RYR2: variants seen among roughly 807,000 people sequenced by gnomAD.
RYR2 encodes ryanodine receptor 2, also known as cardiac muscle ryanodine receptor-calcium release channel.
A neutral mutation model predicts 601.1 loss-of-function variants in RYR2; 227 were observed. That is an observed-to-expected ratio of 0.38 (90% confidence interval 0.34 to 0.42). The LOEUF (loss-of-function observed/expected upper bound fraction) is 0.42, where lower values mean the gene tolerates loss of function less well. Ranked by LOEUF, RYR2 falls within the 10% of genes least tolerant of loss-of-function variation. The pLI, the probability that RYR2 is intolerant of heterozygous loss-of-function variation, is 1.00. For missense variants in RYR2, 4,646 were observed against 6,156.5 expected (o/e 0.75, Z 8.21); for synonymous variants, 2,223 against 2,175.1 (o/e 1.02, Z -0.61).
chr1:237,074,690 T>C (rs1460434835), intron 1 of RYR2, among the ~76,000 whole-genome samples: 1 of 152,234 alleles, frequency 6.6e-6, no homozygotes, highest in Non-Finnish European at 1.5e-5. Context: ...AAACCCAAGA[T>C]GGCCCTTTGG....
In RYR2 at chr1:237,346,186, C is replaced by A. The variant is rs551961891; in HGVS notation, c.274-9779C>A. 5.9e-5 allele frequency among the ~76,000 whole-genome samples: 9 copies of A among 151,688 alleles called. No homozygotes were observed. In the East Asian group the frequency reaches 1.4e-3, roughly 23 times the overall value. On this transcript the variant is annotated intron_variant, in intron 3 of 104. Transcript: ENST00000366574. ...TTCGAGACCAGCCTGGGCAACATGGCGAGACTCTGTCTCTACAAAAAAATA... is the reference window on the plus strand; with the variant it reads ...TTCGAGACCAGCCTGGGCAACATGGAGAGACTCTGTCTCTACAAAAAAATA...
chr1:237,519,565 C>CTT (rs1432393303), intron 24 of RYR2, among the ~76,000 whole-genome samples: 1 of 151,922 alleles, frequency 6.6e-6, no homozygotes, highest in Non-Finnish European at 1.5e-5. Flanking sequence ...CTCTTGTTGG[C>CTT]TTTGTGAAAG....
At position 237,196,816 on chromosome 1, in the gene RYR2, A is replaced by G. The variant is rs144670275; in HGVS notation, c.49-73681A>G. ...AAAGTCTGTAAGATACACAGTCAGT[A>G]TTTTAATTGGAATGGCATTGAATTT... On this transcript the variant is annotated intron_variant, in intron 1 of 104. Coordinates refer to ENST00000366574, the MANE Select transcript of RYR2 (RefSeq NM_001035.3). 5.3e-5 allele frequency among the ~76,000 whole-genome samples: 8 copies of G among 152,318 alleles called. No individual in the cohort carries two copies. In the East Asian group the frequency reaches 1.5e-3, roughly 29 times the overall value.
chr1:237,322,566 C>G (rs1005320772), intron 2 of RYR2, among the ~76,000 whole-genome samples: 1 of 152,106 alleles, frequency 6.6e-6, no homozygotes, highest in African/African-American at 2.4e-5. Context: ...CAAAATATCC[C>G]TGTCACAGAA....
intron 16 of RYR2, among the ~76,000 whole-genome samples, chr1:237,463,735 A>G (rs1659738642): frequency 6.6e-6 from 1 of 152,160 alleles, no homozygotes; most frequent in African/African-American, 2.4e-5. Flanking sequence ...AGAGTATTGT[A>G]AAGTTTTAGG....
intron 3 of RYR2, among the ~76,000 whole-genome samples, chr1:237,341,436 G>A (rs994830464): frequency 3.9e-5 from 6 of 152,024 alleles, no homozygotes; most frequent in African/African-American, 1.4e-4. Context: ...AAACACAAAA[G>A]CAAAAACAAC....
At chr1:237,170,569 TTCACTC>T (rs1677246952) in intron 1 of RYR2, among the ~76,000 whole-genome samples, 1 of 152,242 alleles carries the variant, frequency 6.6e-6, no homozygotes, top group South Asian at 2.1e-4. Flanking sequence ...TGTATTTCAT[TTCACTC>T]TCATCACAAG....
At chr1:237,315,869 A>T (rs1246778315) in intron 2 of RYR2, among the ~76,000 whole-genome samples, 1 of 152,230 alleles carries the variant, frequency 6.6e-6, no homozygotes, top group African/African-American at 2.4e-5. Context: ...TCCAAACTTT[A>T]TACCAAAAAT....
intron 17 of RYR2, among the ~76,000 whole-genome samples, chr1:237,474,955 G>C (rs764284478): frequency 1.3e-5 from 2 of 152,120 alleles, no homozygotes; most frequent in Admixed American, 6.6e-5. Context: ...TTGATAAAAG[G>C]CCTCTTACAA....
intron 2 of RYR2, among the ~76,000 whole-genome samples, chr1:237,308,774 T>C (rs1047355653): frequency 1.2e-4 from 19 of 152,204 alleles, no homozygotes; most frequent in African/African-American, 3.4e-4. Context: ...TTCTACACCG[T>C]GGAAAGGGAC....
intron 27 of RYR2, among the ~76,000 whole-genome samples, chr1:237,565,106 TTTCTTTCTTTTTCTTTCTTTC>T (rs1671838341): frequency 1.2e-5 from 1 of 86,864 alleles, no homozygotes; most frequent in Non-Finnish European, 2.7e-5. Context: ...TTTTCTTTTC[TTTCTTTCTTTTTCTTTCTTTC>T]TTTCTTTCTT....
chr1:237,340,098 A>T lies in RYR2; in HGVS notation c.273+9116A>T, dbSNP rs1268906741. Among the ~76,000 whole-genome samples the T allele has an allele frequency of 2.6e-5, 4 of 152,328 alleles. No homozygotes were observed. In the South Asian group the frequency reaches 6.2e-4, roughly 24 times the overall value. On this transcript the variant is annotated intron_variant, in intron 3 of 104. Transcript: ENST00000366574. ...CTGCTACATCATATAGCAGATACAT[A>T]GTTAGCATCTGTATGCTTTCACTGG...
intron 16 of RYR2, among the ~76,000 whole-genome samples, chr1:237,458,840 G>T (rs1039224803): frequency 2.0e-5 from 3 of 152,022 alleles, no homozygotes; most frequent in African/African-American, 7.2e-5. Context: ...AAAATTTATA[G>T]AGTCATAATA....
At chr1:237,802,082 C>T (rs978253854) in intron 98 of RYR2, 166 bp downstream of exon 98, 3 of 419,706 alleles carry the variant, frequency 7.1e-6, no homozygotes, top group African/African-American at 4.0e-5. Flanking sequence ...TTAATGAGCC[C>T]ATCTCTCATT....
chr1:237,088,780 G>A (rs1024429238), intron 1 of RYR2, among the ~76,000 whole-genome samples: 1 of 152,162 alleles, frequency 6.6e-6, no homozygotes, highest in Non-Finnish European at 1.5e-5. Context: ...CTTTCTCATA[G>A]TACTTAGACA....
intron 1 of RYR2, among the ~76,000 whole-genome samples, chr1:237,159,512 A>G (rs771776549): frequency 6.6e-6 from 1 of 151,928 alleles, no homozygotes; most frequent in Non-Finnish European, 1.5e-5. Context: ...TTTTCATTCA[A>G]TTCCTCACAT....
chr1:237,511,863 GT>G, intron 24 of RYR2, 72 bp downstream of exon 24: 1 of 803,576 alleles, frequency 1.2e-6, no homozygotes, highest in Non-Finnish European at 1.9e-6. Flanking sequence ...AAAAAAACAG[GT>G]ATTGATGCTA....
At chr1:237,397,741 A>T (rs1214584939) in intron 10 of RYR2, among the ~76,000 whole-genome samples, 9 of 125,588 alleles carry the variant, frequency 7.2e-5, no homozygotes, top group South Asian at 2.3e-4. Flanking sequence ...TTTTTTTTTG[A>T]GACAGAGTCT....
intron 16 of RYR2, among the ~76,000 whole-genome samples, chr1:237,467,179 A>T (rs1660175650): frequency 6.8e-6 from 1 of 147,898 alleles, no homozygotes; most frequent in African/African-American, 2.5e-5. Context: ...ATAATGATAT[A>T]TATTATATAT....
Sources: gnomAD v4.1 joint callset for allele counts (sites outside exome capture counted in the v4.1 genomes callset) on GRCh38, gnomAD v4.1.1 for gene constraint, MANE v1.5 for transcripts, NCBI Gene and HGNC (gene_info 2026-07-23, HGNC 2026-07-21) for gene names.